The following PCDHGA2 variants were observed in gnomAD, a reference collection of about 807,000 sequenced individuals.
PCDHGA2 encodes protocadherin gamma-A2.
A neutral mutation model predicts 59.2 loss-of-function variants in PCDHGA2; 40 were observed. The ratio of observed to expected loss-of-function variants is 0.68; its 90% CI spans 0.52 to 0.88. The LOEUF (loss-of-function observed/expected upper bound fraction) is 0.88. Among genes scored for constraint, PCDHGA2 ranks in the 40% least tolerant of loss-of-function variants. The probability of loss-of-function intolerance (pLI) is 0.00; values close to 1 mark genes in which losing one functional copy is unlikely to be tolerated. For missense variants in PCDHGA2, 1,226 were observed against 1,204.0 expected (o/e 1.02, Z -0.27); for synonymous variants, 560 against 526.0 (o/e 1.06, Z -0.89).
intron 1 of PCDHGA2, chr5:141,413,515 G>C: frequency 6.2e-7 from 1 of 1,613,984 alleles, no homozygotes; most frequent in Non-Finnish European, 8.5e-7. Context: ...TAATATCCTT[G>C]TGGAAGACAG....
At chr5:141,375,990 A>T (rs1451403518) in intron 1 of PCDHGA2, 1 of 1,613,398 alleles carries the variant, frequency 6.2e-7, no homozygotes, top group African/African-American at 1.3e-5. Flanking sequence ...CTGGACAGAG[A>T]CGCGCTCAAG....
At chr5:141,467,846 A>G (rs984687278) in intron 1 of PCDHGA2, among the ~76,000 whole-genome samples, 2 of 151,926 alleles carry the variant, frequency 1.3e-5, no homozygotes, top group Non-Finnish European at 2.9e-5. Context: ...TTTTTGTAGA[A>G]TGAGATTTCA....
chr5:141,421,473 C>T (rs907282414), intron 1 of PCDHGA2: 10 of 1,613,994 alleles, frequency 6.2e-6, no homozygotes, highest in Middle Eastern at 1.6e-4. Context: ...ATCCGCGAAG[C>T]GGCAGCTTGA....
At chr5:141,398,910 G>A (rs1465229535) in intron 1 of PCDHGA2, 1 of 1,613,972 alleles carries the variant, frequency 6.2e-7, no homozygotes, top group South Asian at 1.1e-5. Flanking sequence ...GCACCACTGT[G>A]TTGCAAGTGT....
intron 1 of PCDHGA2, chr5:141,441,144 T>C (rs141609485): frequency 6.6e-6 from 1 of 152,296 alleles, no homozygotes; most frequent in African/African-American, 2.4e-5. Context: ...TAGAAGATAA[T>C]GACAATATCC....
At position 141,394,905 on chromosome 5, in the gene PCDHGA2, G is replaced by A. The variant is rs1281710551; in HGVS notation, c.2424+53510G>A. On this transcript the variant is annotated intron_variant, in intron 1 of 3. Transcript: ENST00000394576. ...TACACTCTATCTCGTGGTGGCAGTG[G>A]CTGCCATCTCCTGTGTCTTCCTCGC... The A allele has an allele frequency of 1.2e-6, 2 of 1,613,720 alleles. No individual in the cohort carries two copies. Among genetic ancestry groups the A allele is most frequent in the Non-Finnish European group, 1.7e-6 (2 of 1,179,870 alleles).
intron 1 of PCDHGA2, chr5:141,355,219 C>A (rs768131751): frequency 3.1e-6 from 5 of 1,605,648 alleles, no homozygotes; most frequent in Non-Finnish European, 4.3e-6. Flanking sequence ...GCCTCCTGCT[C>A]GCCCAGACCA....
chr5:141,365,394 C>T (rs1245270195), intron 1 of PCDHGA2: 22 of 1,613,942 alleles, frequency 1.4e-5, no homozygotes, highest in Non-Finnish European at 1.9e-5. Flanking sequence ...CTGACCAGTT[C>T]GATCTCTGAA....
At chr5:141,453,001 G>C (rs1225973632) in intron 1 of PCDHGA2, among the ~76,000 whole-genome samples, 3 of 152,168 alleles carry the variant, frequency 2.0e-5, no homozygotes, top group African/African-American at 7.2e-5. Flanking sequence ...AAAGTTACCT[G>C]TAGTATAGTT....
intron 1 of PCDHGA2, chr5:141,478,378 G>A (rs1454112813): frequency 6.2e-7 from 1 of 1,613,558 alleles, no homozygotes; most frequent in Admixed American, 1.7e-5. Context: ...TGATGTCGCC[G>A]CACCTTTACC....
chr5:141,372,577 A>C (rs550513861), intron 1 of PCDHGA2: 1 of 1,614,006 alleles, frequency 6.2e-7, no homozygotes, highest in African/African-American at 1.3e-5. Context: ...GGCTACTTTC[A>C]GCCTGGTGTC....
intron 1 of PCDHGA2, chr5:141,366,246 A>G: frequency 6.2e-7 from 1 of 1,613,762 alleles, no homozygotes; most frequent in Non-Finnish European, 8.5e-7. Context: ...GACGCGCTCA[A>G]GCAGAGCCTC....
chr5:141,361,926 C>T, intron 1 of PCDHGA2: 1 of 1,607,688 alleles, frequency 6.2e-7, no homozygotes, highest in Non-Finnish European at 8.5e-7. Flanking sequence ...TGGACGCAGA[C>T]TCAGGACACA....
intron 1 of PCDHGA2, chr5:141,360,786 C>CGG: frequency 6.2e-7 from 1 of 1,612,498 alleles, no homozygotes. Flanking sequence ...CTGTGGATGG[C>CGG]GGAGACCCAC....
Position 141,431,910 on chromosome 5 carries a change from G to A in PCDHGA2, c.2425-62897G>A. The A allele has an allele frequency of 6.2e-7, 1 of 1,614,096 alleles. No individual in the cohort carries two copies. Among genetic ancestry groups the A allele is most frequent in the Non-Finnish European group, 8.5e-7 (1 of 1,179,934 alleles). On this transcript the variant is annotated intron_variant, in intron 1 of 3. Transcript: ENST00000394576. This position sits in a 1 kb window ranked among gnomAD's most constrained non-coding sequence, Gnocchi z 4.8. ...TCTGAGGAAAACGGACAGGTGATCTGTTTCATCCAAGGAAATCTGCCCTTT... is the reference window on the plus strand; with the variant it reads ...TCTGAGGAAAACGGACAGGTGATCTATTTCATCCAAGGAAATCTGCCCTTT...
intron 1 of PCDHGA2, chr5:141,413,829 C>T (rs923860929): frequency 1.1e-5 from 18 of 1,613,176 alleles, no homozygotes; most frequent in Non-Finnish European, 1.4e-5. Flanking sequence ...TCCTCACCGC[C>T]TCCGACGGGG....
rs1362214250 is a variant in PCDHGA2 at position 141,339,938 on chromosome 5, G to A, written c.967G>A (p.Asp323Asn). 2 of 1,614,060 alleles carry A rather than the reference G, an allele frequency of 1.2e-6. No homozygotes were observed. Among genetic ancestry groups the A allele is most frequent in the Admixed American group, 3.3e-5 (2 of 60,014 alleles). The change falls in exon 1 of 4, where the codon GAT (aspartate) becomes AAT (asparagine). Residue 323 changes from aspartate (D) to asparagine (N), a missense_variant. Asp to Asn is a conservative substitution (Grantham distance 23). Coordinates refer to ENST00000394576, the MANE Select transcript of PCDHGA2 (RefSeq NM_018915.4). The part of the protein sequence containing the change: ...TFHEIDIEAQ[D>N]GPGLLTRAKV... ...CCATGAAATTGATATTGAAGCTCAG[G>A]ATGGTCCGGGCCTTCTAACCAGAGC...
intron 1 of PCDHGA2, chr5:141,361,155 C>G (rs760085788): frequency 1.2e-6 from 2 of 1,613,954 alleles, no homozygotes; most frequent in East Asian, 4.5e-5. Flanking sequence ...TTCTTGATGA[C>G]AACGATTGTG....
At position 141,339,713 on chromosome 5, in the gene PCDHGA2, C is replaced by T. The variant is rs760007319; in HGVS notation, c.742C>T (p.Arg248Cys). 12 of 1,614,112 alleles carry T rather than the reference C, an allele frequency of 7.4e-6. No homozygotes were observed. In the South Asian group the frequency reaches 7.7e-5, roughly 10 times the overall value. ...GCCTGTTTTTACACAGCCCGAGTAC[C>T]GCATAAGCATTCCGGAGAATACGCT... ...NAPVFTQPEY[R>C]ISIPENTLVG... Residue 248 changes from arginine to cysteine, a missense_variant, in exon 1 of 4, where the codon CGC becomes TGC. Arg to Cys is a radical substitution (Grantham distance 180). Coordinates refer to ENST00000394576, the MANE Select transcript of PCDHGA2 (RefSeq NM_018915.4).
Sources: allele counts gnomAD v4.1 joint callset (sites outside exome capture counted in the v4.1 genomes callset), GRCh38; gene constraint gnomAD v4.1.1; non-coding constraint Gnocchi (gnomAD v3.1); transcripts MANE v1.5; gene names NCBI Gene and HGNC (gene_info 2026-07-23, HGNC 2026-07-21).